SNAPC2: variants seen among roughly 807,000 people sequenced by gnomAD.
SNAPC2 encodes the protein snRNA-activating protein complex subunit 2.
In SNAPC2, 27 loss-of-function variants were observed where a neutral mutation model predicts 22.9. The ratio of observed to expected loss-of-function variants is 1.18; its 90% CI spans 0.87 to 1.63. The LOEUF (loss-of-function observed/expected upper bound fraction) is 1.63, where lower values mean the gene tolerates loss of function less well. Among genes scored for constraint, SNAPC2 ranks in the 40% most tolerant of loss-of-function variants. SNAPC2 has a pLI of 0.00. For synonymous variants in SNAPC2, 272 were observed against 201.0 expected (o/e 1.35, Z -2.99); for missense variants, 570 against 449.1 (o/e 1.27, Z -2.43).
chr19:7,921,466 A>G lies in SNAPC2; in HGVS notation c.227A>G (p.Glu76Gly). The change falls in exon 2 of 5, where the codon GAG (glutamate) becomes GGG (glycine). Residue 76 changes from glutamate to glycine, a missense_variant. By Grantham distance (98) the Glu-to-Gly change is moderately conservative. Coordinates refer to ENST00000221573, the MANE Select transcript of SNAPC2 (RefSeq NM_003083.4). ...CAGCTCAAGGGCCGCGTAGCCCGGG[A>G]GGCCATTCAGAAAGTGCATCCGGGT... Reference protein sequence around the residue: ...LQQLKGRVAREAIQKVHPGGL... With the variant: ...LQQLKGRVARGAIQKVHPGGL... 6.2e-7 allele frequency: 1 copy of G among 1,613,818 alleles called. No individual in the cohort carries two copies. Among genetic ancestry groups the G allele is most frequent in the Non-Finnish European group, 8.5e-7 (1 of 1,179,842 alleles).
intron 1 of SNAPC2, 28 bp downstream of exon 1, chr19:7,920,577 CAG>C (rs1983529627): frequency 8.5e-7 from 1 of 1,170,322 alleles, no homozygotes; most frequent in South Asian, 1.8e-5. Flanking sequence ...GGACCGGAGC[CAG>C]GCTGGAGGCG....
At chr19:7,921,633 A>T (rs1372355910) in intron 2 of SNAPC2, 72 bp from the exon 3 acceptor site, 1 of 1,605,624 alleles carries the variant, frequency 6.2e-7, no homozygotes. Flanking sequence ...GGGGATCCCC[A>T]GGAGGAGCAG....
Position 7,921,964 on chromosome 19 carries a change from G to A in SNAPC2, c.373-71G>A, listed in dbSNP as rs1599640778. The stretch of plus-strand genomic sequence containing the variant: ...GAGGAGCATCTTAGGGTGGCAGGGA[G>A]GATGGGGGAATGTGTAGACGGTGAG... On this transcript the variant is annotated intron_variant, in intron 3 of 4. Coordinates refer to ENST00000221573, the MANE Select transcript of SNAPC2 (RefSeq NM_003083.4). 6.6e-6 allele frequency: 10 copies of A among 1,509,834 alleles called. No homozygotes were observed. The South Asian group carries it at 9.9e-5, about 15-fold the overall frequency. 93.5% of individuals were successfully genotyped at this position (1,509,834 alleles called of 1,614,324 possible).
Position 7,920,445 on chromosome 19 carries a change from C to A in SNAPC2, c.79C>A (p.Arg27Ser). The change falls in exon 1 of 5, where the codon CGC becomes AGC. Residue 27 changes from arginine to serine, a missense_variant. Transcript: ENST00000221573. ...EVTGPATWSA[R>S]EKRQLVRLLQ... ...GACCGGTCCCGCGACCTGGAGCGCT[C>A]GCGAGAAGCGGCAGCTAGTGCGACT... The A allele has an allele frequency of 1.3e-6, 2 of 1,560,992 alleles. No homozygotes were observed. The highest frequency in any genetic ancestry group is 8.6e-7 in the Non-Finnish European group (1 of 1,162,338).
Position 7,922,822 on chromosome 19 carries a change from CG to C in SNAPC2, c.*60del. 6 of 1,356,056 alleles carry C rather than the reference CG, an allele frequency of 4.4e-6. No individual in the cohort carries two copies. In the South Asian group the frequency reaches 7.0e-5, roughly 16 times the overall value. The allele number at this position is 1,356,056 out of a possible 1,614,324, so 84.0% of individuals were successfully genotyped here. ...CCCCGCCCTGCCCCTCGGTTCTGCT[CG>C]GCTGGCCCTGGCTCTTTCTGAGGAT... On this transcript the variant is annotated 3_prime_UTR_variant, in exon 5 of 5. Transcript: ENST00000221573.
In SNAPC2 at chr19:7,921,463, G is replaced by C; in HGVS notation, c.224G>C (p.Arg75Pro). 1 of 1,613,834 alleles carries C rather than the reference G, an allele frequency of 6.2e-7. No homozygotes were observed. The highest frequency in any genetic ancestry group is 8.5e-7 in the Non-Finnish European group (1 of 1,179,830). The change falls in exon 2 of 5, where the codon CGG becomes CCG. Residue 75 changes from arginine (R) to proline (P), a missense_variant. Transcript: ENST00000221573. Reference sequence around the variant, plus strand: ...CAGCAGCTCAAGGGCCGCGTAGCCCGGGAGGCCATTCAGAAAGTGCATCCG... The same window carrying C: ...CAGCAGCTCAAGGGCCGCGTAGCCCCGGAGGCCATTCAGAAAGTGCATCCG... ...FLQQLKGRVAREAIQKVHPGG... is the reference protein window; with the variant it reads ...FLQQLKGRVAPEAIQKVHPGG...
At position 7,922,966 on chromosome 19, in the gene SNAPC2, T is replaced by G; in HGVS notation, c.*202T>G. The G allele has an allele frequency of 1.9e-6, 1 of 524,896 alleles. No individual in the cohort carries two copies. The highest frequency in any genetic ancestry group is 3.3e-6 in the Non-Finnish European group (1 of 299,162). The allele number at this position is 524,896 out of a possible 1,614,324, so 32.5% of individuals were successfully genotyped here. On this transcript the variant is annotated 3_prime_UTR_variant, in exon 5 of 5. Transcript: ENST00000221573. ...CCGTTGTACAGGGGTTGGGTGGGGG[T>G]TGCAGGACTCCACTCACAAGCCTCC...
At chr19:7,921,946 A>T (rs1983588922) in intron 3 of SNAPC2, 89 bp from the exon 4 acceptor site, 1 of 1,456,348 alleles carries the variant, frequency 6.9e-7, no homozygotes, top group African/African-American at 1.4e-5. Flanking sequence ...TCTGAGGAGC[A>T]TCTTAGGGTG....
At position 7,922,793 on chromosome 19, in the gene SNAPC2, G is replaced by A. The variant is rs1275951116; in HGVS notation, c.*29G>A. The A allele has an allele frequency of 1.3e-6, 2 of 1,513,224 alleles. No homozygotes were observed. Among genetic ancestry groups the A allele is most frequent in the Non-Finnish European group, 1.8e-6 (2 of 1,119,168 alleles). 93.7% of individuals were successfully genotyped at this position (1,513,224 alleles called of 1,614,324 possible). On this transcript the variant is annotated 3_prime_UTR_variant, in exon 5 of 5. Coordinates refer to ENST00000221573, the MANE Select transcript of SNAPC2 (RefSeq NM_003083.4). ...GCATGGCGGGCAGGAGGCCACACCAGGCCCCCCGCCCTGCCCCTCGGTTCT... is the reference window on the plus strand; with the variant it reads ...GCATGGCGGGCAGGAGGCCACACCAAGCCCCCCGCCCTGCCCCTCGGTTCT...
Position 7,921,747 on chromosome 19 carries a change from G to A in SNAPC2, c.346G>A (p.Glu116Lys). The change falls in exon 3 of 5, where the codon GAA becomes AAA. Residue 116 changes from glutamate (E) to lysine (K), a missense_variant. By Grantham distance (56) the Glu-to-Lys change is moderately conservative. Transcript: ENST00000221573. ...TGAGAAGATAACAGGGCCACTGGAA[G>A]AAGCCCTGGCAGTGGCTTTCTCGCA... is the stretch of plus-strand genomic sequence containing the variant. ...LAEKITGPLE[E>K]ALAVAFSQVL... The A allele has an allele frequency of 6.2e-7, 1 of 1,613,628 alleles. No homozygotes were observed. The highest frequency in any genetic ancestry group is 8.5e-7 in the Non-Finnish European group (1 of 1,179,778).
intron 1 of SNAPC2, chr19:7,921,141 G>T: frequency 7.3e-7 from 1 of 1,362,608 alleles, no homozygotes. Context: ...TAGAGAAGAG[G>T]GGACGAAGAA....
At position 7,920,482 on chromosome 19, in the gene SNAPC2, G is replaced by C. The variant is rs1983524037; in HGVS notation, c.116G>C (p.Arg39Pro). 2.0e-6 allele frequency: 3 copies of C among 1,520,040 alleles called. No homozygotes were observed. The highest frequency in any genetic ancestry group is 2.6e-6 in the Non-Finnish European group (3 of 1,141,726). 94.2% of individuals were successfully genotyped at this position (1,520,040 alleles called of 1,614,324 possible). ...KRQLVRLLQA[R>P]QGQPEPDATE... is the part of the protein sequence containing the mutation. ...CAGCTAGTGCGACTCCTGCAGGCGC[G>C]GCAGGGCCAGCCGGAGCCGGACGCC... Residue 39 changes from arginine (R) to proline (P), a missense_variant, in exon 1 of 5, where the codon CGG becomes CCG. Physicochemically the swap from Arg to Pro is moderately radical, Grantham distance 103 (BLOSUM62 -2). Transcript: ENST00000221573.
Position 7,921,446 on chromosome 19 carries a change from C to G in SNAPC2, c.207C>G (p.Leu69=). The G allele has an allele frequency of 2.5e-6, 4 of 1,613,892 alleles. No homozygotes were observed. The highest frequency in any genetic ancestry group is 3.4e-6 in the Non-Finnish European group (4 of 1,179,838). ...AGATCCGGGTCTTCCTCCAGCAGCT[C>G]AAGGGCCGCGTAGCCCGGGAGGCCA... is the stretch of plus-strand genomic sequence containing the variant. ...EAEIRVFLQQ[L]KGRVAREAIQ... The change falls in exon 2 of 5, where the codon CTC becomes CTG. Residue 69 remains leucine (L), a synonymous_variant. Coordinates refer to ENST00000221573, the MANE Select transcript of SNAPC2 (RefSeq NM_003083.4).
At chr19:7,920,833 GTGCGTGCCGC>G in intron 1 of SNAPC2, 1 of 624,936 alleles carries the variant, frequency 1.6e-6, no homozygotes, top group Non-Finnish European at 2.3e-6. Flanking sequence ...GGGGCGGGGC[GTGCGTGCCGC>G]TGAGGTTTGG....
In SNAPC2 at chr19:7,922,106, T is replaced by C; in HGVS notation, c.444T>C (p.Arg148=). ...AGCCCCCCAAGCCCACGCAGGCCCG[T>C]GGAAAGCCTTTGCTCCTGAGCGCCC... The part of the protein sequence containing the change: ...HSKPPKPTQA[R]GKPLLLSAPG... The change falls in exon 4 of 5, where the codon CGT becomes CGC. Residue 148 remains arginine (R), a synonymous_variant. Transcript: ENST00000221573. 2 of 1,613,750 alleles carry C rather than the reference T, an allele frequency of 1.2e-6. No individual in the cohort carries two copies. The highest frequency in any genetic ancestry group is 2.2e-5 in the South Asian group (2 of 91,074).
Position 7,922,328 on chromosome 19 carries a change from C to T in SNAPC2, c.666C>T (p.Ser222=). ...YLSSVSRSGR[S]PELSAAESAV... ...CCTCTGTCTCCCGAAGTGGCCGCAG[C>T]CCCGAGCTCTCAGCAGCTGGTGAGA... The change falls in exon 4 of 5, where the codon AGC becomes AGT. Residue 222 remains serine, a synonymous_variant. Coordinates refer to ENST00000221573, the MANE Select transcript of SNAPC2 (RefSeq NM_003083.4). The T allele has an allele frequency of 1.2e-6, 2 of 1,613,454 alleles. No homozygotes were observed. The highest frequency in any genetic ancestry group is 1.7e-6 in the Non-Finnish European group (2 of 1,179,734).
rs12462588 is a variant in SNAPC2, at chr19:7,922,873, G to A, written c.*109G>A. ...TCCCGTCATGGGGGAAGGTCCTTGA[G>A]ATGATGCTCAGCTGTGGGGCGGGCC... is the stretch of plus-strand genomic sequence containing the variant. On this transcript the variant is annotated 3_prime_UTR_variant, in exon 5 of 5. Transcript: ENST00000221573. The A allele has an allele frequency of 3.4e-5, 30 of 885,136 alleles. No homozygotes were observed. Among genetic ancestry groups the A allele is most frequent in the South Asian group, 2.4e-4 (14 of 58,434 alleles). The allele number at this position is 885,136 out of a possible 1,614,324, so 54.8% of individuals were successfully genotyped here. A position where few individuals can be genotyped will look rare whatever the true frequency, so the allele number is the denominator to read the frequency against.
rs1107711 is a variant in SNAPC2, at chr19:7,922,986, G to A, written c.*222G>A. 8.3e-3 allele frequency: 4,201 copies of A among 503,426 alleles called. 102 individuals carry two copies. The highest frequency in any genetic ancestry group is 0.045 in the East Asian group (1,354 of 30,402). The allele number at this position is 503,426 out of a possible 1,614,324, so 31.2% of individuals were successfully genotyped here. On this transcript the variant is annotated 3_prime_UTR_variant, in exon 5 of 5. Transcript: ENST00000221573. ...GGGGGTTGCAGGACTCCACTCACAAGCCTCCTGATGTCAAGGACAGGCGGA... is the reference window on the plus strand; with the variant it reads ...GGGGGTTGCAGGACTCCACTCACAAACCTCCTGATGTCAAGGACAGGCGGA...
chr19:7,921,684 T>C (rs757724082), intron 2 of SNAPC2, 21 bp from the exon 3 acceptor site: 2 of 1,613,022 alleles, frequency 1.2e-6, no homozygotes, highest in Non-Finnish European at 1.7e-6. Context: ...GGGCTGACCC[T>C]GTACCTCTGG....
Sources: allele counts gnomAD v4.1 joint callset, GRCh38; gene constraint gnomAD v4.1.1; transcripts MANE v1.5; gene names NCBI Gene and HGNC (gene_info 2026-07-23, HGNC 2026-07-21).